The following CLUH variants were observed in gnomAD, a reference collection of about 807,000 sequenced individuals.
CLUH encodes the protein CLUH binding protein of NUMT mRNA.
CLUH carries 77 observed loss-of-function variants against 139.3 expected under a neutral mutation model. That is an observed-to-expected ratio of 0.55 (90% CI 0.46 to 0.67). CLUH has a LOEUF of 0.67. Among genes scored for constraint, CLUH ranks in the 30% least tolerant of loss-of-function variants. CLUH has a pLI of 0.00. For synonymous variants in CLUH, 999 were observed against 801.6 expected (o/e 1.25, Z -4.16); for missense variants, 1,876 against 1,875.8 (o/e 1.00, Z 0.00).
In CLUH at chr17:2,698,504, C is replaced by T; in HGVS notation, c.1353G>A (p.Glu451=). Residue 451 remains glutamate (E), a synonymous_variant, in exon 10 of 26, where the codon GAG becomes GAA. Transcript: ENST00000651024. ...TCCAGATGAACATCTGCATCTTGGT[C>T]TCCTCGCTGGGGTTGATGGCCATCA... The part of the protein sequence containing the change: ...GNVMAINPSE[E]TKMQMFIWNN... The T allele has an allele frequency of 6.2e-7, 1 of 1,613,072 alleles. No individual in the cohort carries two copies.
chr17:2,696,200 C>A lies in CLUH; in HGVS notation c.2350G>T (p.Asp784Tyr). ...CAGGAGAGCAGGAAGGCAGCCGCGT[C>A]CTTCAGCAGCTGCTTCTGGTCCCGA... ...EVRDQKQLLK[D>Y]AAAFLLSCQI... Residue 784 changes from aspartate (D) to tyrosine (Y), a missense_variant, in exon 13 of 26, where the codon GAC becomes TAC. This residue lies in a region of CLUH where 1,454 missense variants were observed against 1,384.4 expected (regional missense o/e 1.05). Coordinates refer to ENST00000651024, the MANE Select transcript of CLUH (RefSeq NM_001366661.1). 1 of 1,574,880 alleles carries A rather than the reference C, an allele frequency of 6.3e-7. No homozygotes were observed. The highest frequency in any genetic ancestry group is 8.6e-7 in the Non-Finnish European group (1 of 1,160,892).
chr17:2,691,937 G>A lies in CLUH; in HGVS notation c.3655-42C>T, dbSNP rs900135819. On this transcript the variant is annotated intron_variant, in intron 23 of 25. Coordinates refer to ENST00000651024, the MANE Select transcript of CLUH (RefSeq NM_001366661.1). The stretch of plus-strand genomic sequence containing the variant: ...AGGGATCAGGCCCCCCCGTGCCCCC[G>A]CGGCCCCGCCCCCGCCCCGCCACGC... The A allele has an allele frequency of 4.1e-5, 43 of 1,054,942 alleles. 1 individual carries two copies. The highest frequency in any genetic ancestry group is 3.9e-4 in the Admixed American group (11 of 28,120). The allele number at this position is 1,054,942 out of a possible 1,614,324, so 65.3% of individuals were successfully genotyped here.
chr17:2,710,313 G>A (rs540648544), intron 1 of CLUH, among the ~76,000 whole-genome samples: 6 of 152,324 alleles, frequency 3.9e-5, no homozygotes, highest in Admixed American at 2.6e-4. Flanking sequence ...CTGCTCTTCT[G>A]CCCAAACCTT....
At chr17:2,697,078 G>C in intron 10 of CLUH, 136 bp from the exon 11 acceptor site, 1 of 667,514 alleles carries the variant, frequency 1.5e-6, no homozygotes, top group Non-Finnish European at 2.5e-6. Flanking sequence ...ATGAGTCAAC[G>C]CAGAAAAACC....
chr17:2,694,483 G>A lies in CLUH; in HGVS notation c.2934C>T (p.Ile978=), dbSNP rs946887394. 1.4e-5 allele frequency: 22 copies of A among 1,576,362 alleles called. No homozygotes were observed. Among genetic ancestry groups the A allele is most frequent in the Non-Finnish European group, 1.7e-5 (20 of 1,161,270 alleles). Residue 978 remains isoleucine, a synonymous_variant, in exon 17 of 26, where the codon ATC becomes ATT. Coordinates refer to ENST00000651024, the MANE Select transcript of CLUH (RefSeq NM_001366661.1). ...GGATGCTGTGAGCCATGCCCACCTG[G>A]ATCCCTGTTTTCAGCGAGATCTCCC... is the stretch of plus-strand genomic sequence containing the variant. ...LLREISLKTG[I]QVLLKEYSFD... is the part of the protein sequence containing the mutation.
At chr17:2,697,125 C>T (rs947070315) in intron 10 of CLUH, among the ~76,000 whole-genome samples, 183 bp from the exon 11 acceptor site, 1 of 152,198 alleles carries the variant, frequency 6.6e-6, no homozygotes, top group African/African-American at 2.4e-5. Flanking sequence ...GGCGGCCGGG[C>T]GTGGTGGCTC....
chr17:2,700,441 T>A lies in CLUH; in HGVS notation c.1207A>T (p.Arg403Trp), dbSNP rs1480071143. The change falls in exon 9 of 26, where the codon AGG becomes TGG. Residue 403 changes from arginine (R) to tryptophan (W), a missense_variant. Coordinates refer to ENST00000651024, the MANE Select transcript of CLUH (RefSeq NM_001366661.1). ...GGCAGGTTCTTGCGAGGCAGCTCCC[T>A]CGTCGTCTGCAGCTCCTCATTCCAG... is the stretch of plus-strand genomic sequence containing the variant. ...RDWNEELQTTRELPRKNLPER... is the reference protein window; with the variant it reads ...RDWNEELQTTWELPRKNLPER... 6.2e-7 allele frequency: 1 copy of A among 1,613,110 alleles called. No individual in the cohort carries two copies. The highest frequency in any genetic ancestry group is 8.5e-7 in the Non-Finnish European group (1 of 1,179,804).
Position 2,701,672 on chromosome 17 carries a change from G to A in CLUH, c.685C>T (p.Leu229=). 6.3e-7 allele frequency: 1 copy of A among 1,599,610 alleles called. No homozygotes were observed. Among genetic ancestry groups the A allele is most frequent in the Non-Finnish European group, 8.5e-7 (1 of 1,173,124 alleles). Residue 229 remains leucine (L), a synonymous_variant, in exon 5 of 26, where the codon CTG becomes TTG. Transcript: ENST00000651024. ...PIDCTPPEYI[L]PGSRERPLCP... ...AGTGGCCGCTCCCGGCTCCCTGGCA[G>A]GATGTACTCGGGTGGTGTGCAGTCG...
chr17:2,693,993 C>T lies in CLUH; in HGVS notation c.3138G>A (p.Leu1046=), dbSNP rs965966718. The change falls in exon 19 of 26, where the codon CTG becomes CTA. Residue 1046 remains leucine (L), a synonymous_variant. Transcript: ENST00000651024. ...GCATGGCTCCGTAGACGTTGTTAAACAGGTTCAGGGCCTCATTGATGAGCT... is the reference window on the plus strand; with the variant it reads ...GCATGGCTCCGTAGACGTTGTTAAATAGGTTCAGGGCCTCATTGATGAGCT... ...GCELINEALN[L]FNNVYGAMHV... The T allele has an allele frequency of 1.2e-5, 19 of 1,613,814 alleles. No homozygotes were observed. The highest frequency in any genetic ancestry group is 1.6e-5 in the Non-Finnish European group (19 of 1,179,862).
chr17:2,699,917 A>G (rs373203061), intron 9 of CLUH, among the ~76,000 whole-genome samples: 121 of 152,252 alleles, frequency 7.9e-4, no homozygotes, highest in African/African-American at 2.7e-3. Context: ...GGCATGAGCT[A>G]CTGAAGCCGG....
In CLUH at chr17:2,698,264, C is replaced by G. The variant is rs760115603; in HGVS notation, c.1593G>C (p.Glu531Asp). 4 of 1,609,336 alleles carry G rather than the reference C, an allele frequency of 2.5e-6. No homozygotes were observed. The highest frequency in any genetic ancestry group is 3.4e-6 in the Non-Finnish European group (4 of 1,178,332). The change falls in exon 10 of 26, where the codon GAG becomes GAC. Residue 531 changes from glutamate to aspartate, a missense_variant. Glu to Asp is a conservative substitution (Grantham distance 45). Coordinates refer to ENST00000651024, the MANE Select transcript of CLUH (RefSeq NM_001366661.1). ...AGATGACGCTCTGCTCCTGGTCCCGCTCCAGGATGCCGGGGATGATGGACT... is the reference window on the plus strand; with the variant it reads ...AGATGACGCTCTGCTCCTGGTCCCGGTCCAGGATGCCGGGGATGATGGACT... ...TAQSIIPGILERDQEQSVIYG... is the reference protein window; with the variant it reads ...TAQSIIPGILDRDQEQSVIYG...
chr17:2,696,540 T>TGTG lies in CLUH; in HGVS notation c.2186-5_2186-3dup. ...TCACCTCCCGGCTCCGAGGGTCTGC[T>TGTG]GTGGAGACATGGCTCCATGAGACAC... On this transcript the variant is annotated splice_region_variant and splice_polypyrimidine_tract_variant and intron_variant, in intron 11 of 25. Transcript: ENST00000651024. 6.4e-7 allele frequency: 1 copy of TGTG among 1,563,834 alleles called. No homozygotes were observed. The highest frequency in any genetic ancestry group is 8.6e-7 in the Non-Finnish European group (1 of 1,158,746).
rs749947890 is a variant in CLUH, at chr17:2,701,613, C to T, written c.744G>A (p.Lys248=). Residue 248 remains lysine, a splice_region_variant and synonymous_variant, in exon 5 of 26, where the codon AAG becomes AAA. Transcript: ENST00000651024. ...CPLQPQNRDW[K]PLQCLKVLTM... ...CTTCCTCCCTCCCCCAGGATCCTAC[C>T]TTCCAGTCACGGTTTTGGGGCTGCA... 6 of 1,609,508 alleles carry T rather than the reference C, an allele frequency of 3.7e-6. No homozygotes were observed. The East Asian group carries it at 8.9e-5, about 24-fold the overall frequency.
At chr17:2,700,004 C>T (rs2070116236) in intron 9 of CLUH, among the ~76,000 whole-genome samples, 1 of 152,228 alleles carries the variant, frequency 6.6e-6, no homozygotes. Flanking sequence ...CTTTTAAACC[C>T]CAGCAAACTA....
chr17:2,708,705 G>A (rs979024465), intron 1 of CLUH, among the ~76,000 whole-genome samples: 2 of 150,660 alleles, frequency 1.3e-5, no homozygotes, highest in African/African-American at 2.4e-5. Context: ...CTACCCACCC[G>A]CTCCCACCGA....
At chr17:2,705,260 C>T (rs2070318481) in intron 1 of CLUH, among the ~76,000 whole-genome samples, 1 of 152,156 alleles carries the variant, frequency 6.6e-6, no homozygotes, top group Admixed American at 6.5e-5. Flanking sequence ...TCTCCCAACC[C>T]ACCCACGGGA....
chr17:2,691,959 ACGCCCC>A (rs1567575799), intron 23 of CLUH, 39 bp downstream of exon 23: 1 of 379,490 alleles, frequency 2.6e-6, no homozygotes, highest in African/African-American at 5.8e-5. Flanking sequence ...CCGCCCCGCC[ACGCCCC>A]CGCCCCGCCC....
At position 2,704,488 on chromosome 17, in the gene CLUH, G is replaced by T; in HGVS notation, c.177C>A (p.Pro59=). The change falls in exon 2 of 26, where the codon CCC becomes CCA. Residue 59 remains proline, a synonymous_variant. Transcript: ENST00000651024. The surrounding 1 kb of genome is among the most constrained non-coding windows in gnomAD (Gnocchi z 5.7). ...LKKEAAAAEP[P]RENGLDEAGP... is the part of the protein sequence containing the mutation. ...CGGCCTCGTCAAGCCCATTTTCCCT[G>T]GGTGGCTCGGCCGCCGCCGCCTCCT... is the stretch of plus-strand genomic sequence containing the variant. 1.3e-6 allele frequency: 2 copies of T among 1,592,838 alleles called. No individual in the cohort carries two copies. The highest frequency in any genetic ancestry group is 2.3e-5 in the East Asian group (1 of 43,642).
chr17:2,701,932 T>C lies in CLUH; in HGVS notation c.601A>G (p.Thr201Ala). Residue 201 changes from threonine (T) to alanine (A), a missense_variant, in exon 4 of 26, where the codon ACC becomes GCC. By Grantham distance (58) the Thr-to-Ala change is moderately conservative. Coordinates refer to ENST00000651024, the MANE Select transcript of CLUH (RefSeq NM_001366661.1). The part of the protein sequence containing the change: ...CNSLSFLSVF[T>A]DGDLGDSGKR... Reference sequence around the variant, plus strand: ...CCCGCACCTCCCAGGTCGCCGTCGGTGAAGACACTCAGGAAGGACAAGGAG... The same window carrying C: ...CCCGCACCTCCCAGGTCGCCGTCGGCGAAGACACTCAGGAAGGACAAGGAG... 6.2e-7 allele frequency: 1 copy of C among 1,613,878 alleles called. No individual in the cohort carries two copies. The highest frequency in any genetic ancestry group is 8.5e-7 in the Non-Finnish European group (1 of 1,179,902).
Sources: allele counts gnomAD v4.1 joint callset (sites outside exome capture counted in the v4.1 genomes callset), GRCh38; gene constraint gnomAD v4.1.1; regional missense constraint gnomAD v4.1.1; non-coding constraint Gnocchi (gnomAD v3.1); transcripts MANE v1.5; gene names NCBI Gene and HGNC (gene_info 2026-07-23, HGNC 2026-07-21).